CHST9: variants seen among roughly 807,000 people sequenced by gnomAD.
CHST9 encodes the protein carbohydrate sulfotransferase 9.
CHST9 carries 41 observed loss-of-function variants against 44.4 expected under a neutral mutation model. The observed-to-expected ratio is 0.92, with a 90% confidence interval of 0.72 to 1.20. The LOEUF (loss-of-function observed/expected upper bound fraction) is 1.20. Among genes scored for constraint, CHST9 ranks in the 50% most tolerant of loss-of-function variants. The pLI, the probability that CHST9 is intolerant of heterozygous loss-of-function variation, is 0.00. For synonymous variants in CHST9, 171 were observed against 178.4 expected, an observed-to-expected ratio of 0.96 and a Z score of 0.33; for missense variants, 504 against 516.5, an observed-to-expected ratio of 0.98 and a Z score of 0.23.
rs528420306 is a variant in CHST9, at chr18:27,026,089, A to C, written c.161-1932T>G. 1.1e-4 allele frequency among the ~76,000 whole-genome samples: 16 copies of C among 152,310 alleles called. No individual in the cohort carries two copies. In the East Asian group the frequency reaches 3.1e-3, roughly 29 times the overall value. Reference sequence around the variant, plus strand: ...ATAACAATCAAGTCATTTCCTTAAAAAATGTGGACATGATAGGCTCTTTCC... The same window carrying C: ...ATAACAATCAAGTCATTTCCTTAAACAATGTGGACATGATAGGCTCTTTCC... On this transcript the variant is annotated intron_variant, in intron 3 of 5. Coordinates refer to ENST00000618847, the MANE Select transcript of CHST9 (RefSeq NM_031422.6).
chr18:26,993,641 T>G (rs1322227466), intron 4 of CHST9, among the ~76,000 whole-genome samples: 1 of 152,202 alleles, frequency 6.6e-6, no homozygotes, highest in East Asian at 1.9e-4. Flanking sequence ...AAGACTATAT[T>G]CGATTTAATT....
chr18:27,037,511 G>A (rs1415947442), intron 3 of CHST9, among the ~76,000 whole-genome samples: 1 of 152,156 alleles, frequency 6.6e-6, no homozygotes, highest in Non-Finnish European at 1.5e-5. Flanking sequence ...GCAACATAGT[G>A]AGACCTTGTC....
chr18:26,936,479 C>T (rs890997524), intron 5 of CHST9: 6 of 152,006 alleles, frequency 3.9e-5, no homozygotes, highest in African/African-American at 1.2e-4. Flanking sequence ...CTCTGTGGCT[C>T]ATATTGACAA....
chr18:27,066,731 T>C (rs920536385), intron 2 of CHST9, among the ~76,000 whole-genome samples: 1 of 152,214 alleles, frequency 6.6e-6, no homozygotes, highest in African/African-American at 2.4e-5. Context: ...GACATAAACC[T>C]AGTTGTGTTT....
chr18:27,121,996 G>A (rs558412624), intron 2 of CHST9, among the ~76,000 whole-genome samples: 62 of 152,156 alleles, frequency 4.1e-4, no homozygotes, highest in Middle Eastern at 6.8e-3. Context: ...GCTTATTCTG[G>A]GGTGTTGTGT....
chr18:26,930,326 G>T (rs1271570671), intron 5 of CHST9, among the ~76,000 whole-genome samples: 3 of 152,164 alleles, frequency 2.0e-5, no homozygotes, highest in Non-Finnish European at 4.4e-5. Context: ...GAATGCAAAG[G>T]AAGAATATAG....
chr18:26,931,640 T>G (rs1383690791), intron 5 of CHST9, among the ~76,000 whole-genome samples: 1 of 152,096 alleles, frequency 6.6e-6, no homozygotes, highest in Non-Finnish European at 1.5e-5. Flanking sequence ...GCAAGGAAAG[T>G]CCATTTGTTT....
intron 4 of CHST9, among the ~76,000 whole-genome samples, chr18:26,955,995 A>G (rs2056317207): frequency 6.6e-6 from 1 of 152,046 alleles, no homozygotes; most frequent in Non-Finnish European, 1.5e-5. Context: ...ATTCCAATAA[A>G]TTAAAATATA....
chr18:27,015,436 T>C (rs537666341), intron 4 of CHST9, among the ~76,000 whole-genome samples: 26 of 151,492 alleles, frequency 1.7e-4, no homozygotes, highest in African/African-American at 6.1e-4. Flanking sequence ...CTGGCCAGTG[T>C]AGGGCGTGGA....
chr18:27,026,068 C>G (rs936421668), intron 3 of CHST9, among the ~76,000 whole-genome samples: 1 of 152,132 alleles, frequency 6.6e-6, no homozygotes, highest in Non-Finnish European at 1.5e-5. Context: ...TGACTTATAA[C>G]AATCAAGTCA....
intron 2 of CHST9, among the ~76,000 whole-genome samples, chr18:27,071,271 C>T (rs1207019848): frequency 6.6e-6 from 1 of 152,180 alleles, no homozygotes; most frequent in Non-Finnish European, 1.5e-5. Context: ...CATTGATACA[C>T]ATCAGTATTT....
chr18:27,129,786 G>A (rs1279529545), intron 2 of CHST9, among the ~76,000 whole-genome samples: 1 of 152,112 alleles, frequency 6.6e-6, no homozygotes, highest in Admixed American at 6.6e-5. Flanking sequence ...ACTTTCTCTT[G>A]AAGTCTGGGG....
intron 4 of CHST9, among the ~76,000 whole-genome samples, chr18:26,991,684 G>A (rs151058524): frequency 2.3e-5 from 3 of 130,942 alleles, no homozygotes; most frequent in Non-Finnish European, 5.3e-5. Context: ...GTGAAAGCAG[G>A]AGACGATGGT....
intron 2 of CHST9, among the ~76,000 whole-genome samples, chr18:27,114,762 T>C (rs1405586775): frequency 6.6e-6 from 1 of 152,240 alleles, no homozygotes; most frequent in African/African-American, 2.4e-5. Context: ...TTCATCAATG[T>C]TGTAGCATCT....
chr18:27,061,328 A>G (rs2143613809), intron 2 of CHST9, among the ~76,000 whole-genome samples: 1 of 152,342 alleles, frequency 6.6e-6, no homozygotes, highest in African/African-American at 2.4e-5. Flanking sequence ...CAAGCCAACT[A>G]CAAAAATAAT....
At chr18:27,170,819 C>G (rs534927631) in intron 1 of CHST9, among the ~76,000 whole-genome samples, 3 of 152,208 alleles carry the variant, frequency 2.0e-5, no homozygotes, top group Non-Finnish European at 4.4e-5. Context: ...CATCTACCTT[C>G]AAACCTTGAG....
intron 4 of CHST9, among the ~76,000 whole-genome samples, chr18:26,946,500 T>C (rs780040767): frequency 9.2e-5 from 14 of 152,138 alleles, no homozygotes; most frequent in Non-Finnish European, 1.3e-4. Context: ...TAGACCATTT[T>C]TGGGAAATTT....
rs1450486530 is a variant in CHST9, at chr18:27,168,098, G to A, written c.-97+17038C>T. 1.5e-4 allele frequency among the ~76,000 whole-genome samples: 21 copies of A among 139,240 alleles called. 1 individual carries two copies. Among genetic ancestry groups the A allele is most frequent in the Admixed American group, 1.5e-4 (2 of 13,228 alleles). 91.3% of individuals were successfully genotyped at this position (139,240 alleles called of 152,430 possible). A position where few individuals can be genotyped will look rare whatever the true frequency, so the allele number is the denominator to read the frequency against. ...ACCTATTTTTTTTTTTTTTTGAGAC[G>A]GAGTCTTGCTCTGTCGCGCAGGCTG... is the stretch of plus-strand genomic sequence containing the variant. On this transcript the variant is annotated intron_variant, in intron 1 of 5. Transcript: ENST00000618847.
intron 3 of CHST9, among the ~76,000 whole-genome samples, chr18:27,047,744 CG>C (rs1318102541): frequency 6.6e-6 from 1 of 151,968 alleles, no homozygotes; most frequent in Non-Finnish European, 1.5e-5. Flanking sequence ...GGAAGGATGG[CG>C]GGCATAGGTA....
Sources: gnomAD v4.1 joint callset for allele counts (sites outside exome capture counted in the v4.1 genomes callset) on GRCh38, gnomAD v4.1.1 for gene constraint, MANE v1.5 for transcripts, NCBI Gene and HGNC (gene_info 2026-07-23, HGNC 2026-07-21) for gene names.